The following NFIB variants were observed in gnomAD, a reference collection of about 807,000 sequenced individuals.
NFIB encodes nuclear factor 1 B-type.
Under a neutral mutation model 61.5 loss-of-function variants are expected in NFIB, and 11 were observed. The observed-to-expected ratio is 0.18, with a 90% CI of 0.11 to 0.30. The LOEUF is 0.30. NFIB is among the 10% of genes least tolerant of loss of function. The pLI, the probability that NFIB is intolerant of heterozygous loss-of-function variation, is 1.00. For synonymous variants in NFIB, 260 were observed against 216.5 expected, an observed-to-expected ratio of 1.20 and a Z score of -1.76; for missense variants, 471 against 608.9, an observed-to-expected ratio of 0.77 and a Z score of 2.38.
chr9:14,225,313 A>G (rs1310399922), intron 2 of NFIB, among the ~76,000 whole-genome samples: 3 of 151,998 alleles, frequency 2.0e-5, no homozygotes, highest in Non-Finnish European at 4.4e-5. Context: ...TCATCCTTAC[A>G]CTACATTCCT....
At chr9:14,179,627 C>G in intron 3 of NFIB, 100 bp downstream of exon 3, 2 of 1,320,480 alleles carry the variant, frequency 1.5e-6, no homozygotes, top group Non-Finnish European at 2.1e-6. Flanking sequence ...CCTGCCAGAA[C>G]AAAATAGGCA....
intron 2 of NFIB, among the ~76,000 whole-genome samples, chr9:14,213,936 C>A (rs2050575834): frequency 6.7e-6 from 1 of 148,782 alleles, no homozygotes; most frequent in East Asian, 1.9e-4. Flanking sequence ...CCAACTCCCA[C>A]TGCTCCAAAT....
At chr9:14,508,835 C>G in the NFIB span, among the ~76,000 whole-genome samples, 1 of 152,248 alleles carries the variant, frequency 6.6e-6, no homozygotes, top group Non-Finnish European at 1.5e-5. Context: ...TAACATTCTG[C>G]TGAATTAAAA....
chr9:14,131,810 T>A (rs2040440325), intron 6 of NFIB, among the ~76,000 whole-genome samples: 1 of 152,120 alleles, frequency 6.6e-6, no homozygotes, highest in South Asian at 2.1e-4. Context: ...CCGGGATAAA[T>A]GTCACATGGC....
chr9:14,108,990 A>T (rs2036961189), intron 10 of NFIB, among the ~76,000 whole-genome samples: 1 of 152,056 alleles, frequency 6.6e-6, no homozygotes, highest in Admixed American at 6.6e-5. Flanking sequence ...AATAGTAAGA[A>T]TTTAGGCTCT....
chr9:14,331,212 C>T (rs1184347349), intron 1 of NFIB, among the ~76,000 whole-genome samples: 4 of 152,134 alleles, frequency 2.6e-5, no homozygotes, highest in Non-Finnish European at 5.9e-5. Context: ...CTTTTAAAGA[C>T]GAGGCACTGG....
chr9:14,492,221 G>C, the NFIB span, among the ~76,000 whole-genome samples: 2 of 151,900 alleles, frequency 1.3e-5, no homozygotes, highest in Non-Finnish European at 2.9e-5. Context: ...AAATTAGCTG[G>C]GCGTGGTGGT....
At chr9:14,220,291 C>T (rs1563915467) in intron 2 of NFIB, among the ~76,000 whole-genome samples, 1 of 152,188 alleles carries the variant, frequency 6.6e-6, no homozygotes, top group Non-Finnish European at 1.5e-5. Context: ...GAAAACACAA[C>T]TCTAATTAGT....
At chr9:14,445,791 T>A in the NFIB span, among the ~76,000 whole-genome samples, 1 of 152,200 alleles carries the variant, frequency 6.6e-6, no homozygotes, top group Non-Finnish European at 1.5e-5. Context: ...TTTATTGTTT[T>A]ATATACCCAA....
At chr9:14,204,774 T>TG in intron 2 of NFIB, 1 of 526,072 alleles carries the variant, frequency 1.9e-6, no homozygotes. Flanking sequence ...TGTCGTAAAA[T>TG]GGGGGTCCCT....
At chr9:14,397,535 C>A (rs1206967109) in intron 1 of NFIB, among the ~76,000 whole-genome samples, 1 of 152,106 alleles carries the variant, frequency 6.6e-6, no homozygotes, top group South Asian at 2.1e-4. Flanking sequence ...TTATCCCCCC[C>A]AAAAAGATTC....
At chr9:14,254,844 G>A in intron 2 of NFIB, among the ~76,000 whole-genome samples, 1 of 152,118 alleles carries the variant, frequency 6.6e-6, no homozygotes, top group Non-Finnish European at 1.5e-5. Context: ...TACAAGCAAG[G>A]TCTAGAGGCC....
chr9:14,476,420 G>A, the NFIB span, among the ~76,000 whole-genome samples: 50 of 152,218 alleles, frequency 3.3e-4, no homozygotes, highest in African/African-American at 1.1e-3. Flanking sequence ...CTTGGACAGT[G>A]ATGTGAGCCA....
chr9:14,501,107 C>T, the NFIB span, among the ~76,000 whole-genome samples: 67 of 152,292 alleles, frequency 4.4e-4, no homozygotes, highest in African/African-American at 1.5e-3. Context: ...TTAAAGCTTA[C>T]AGATTTTTCT....
At chr9:14,227,552 C>G (rs1379237112) in intron 2 of NFIB, among the ~76,000 whole-genome samples, 1 of 152,130 alleles carries the variant, frequency 6.6e-6, no homozygotes, top group Non-Finnish European at 1.5e-5. Flanking sequence ...TTCCCTGAAC[C>G]TAAGTAATAT....
At chr9:14,375,785 T>C (rs1231960751) in intron 1 of NFIB, among the ~76,000 whole-genome samples, 3 of 152,132 alleles carry the variant, frequency 2.0e-5, no homozygotes, top group African/African-American at 7.2e-5. Flanking sequence ...AAAATTACTG[T>C]CCCAAATGAA....
intron 1 of NFIB, among the ~76,000 whole-genome samples, chr9:14,332,788 G>A (rs556043677): frequency 3.3e-5 from 5 of 152,206 alleles, no homozygotes; most frequent in Non-Finnish European, 7.3e-5. Context: ...ATTCTAGTGT[G>A]GAGGAGAGAG....
the NFIB span, among the ~76,000 whole-genome samples, chr9:14,450,506 A>G: frequency 6.6e-6 from 1 of 152,104 alleles, no homozygotes; most frequent in African/African-American, 2.4e-5. Context: ...ATAATTTCAA[A>G]AGATCATTTA....
At chr9:14,520,611 C>A in the NFIB span, among the ~76,000 whole-genome samples, 3 of 152,192 alleles carry the variant, frequency 2.0e-5, no homozygotes, top group Admixed American at 1.3e-4. Flanking sequence ...CCTCTAAACA[C>A]AGGAATCTGA....
Sources: gnomAD v4.1 joint callset for allele counts (sites outside exome capture counted in the v4.1 genomes callset) on GRCh38, gnomAD v4.1.1 for gene constraint, MANE v1.5 for transcripts, NCBI Gene and HGNC (gene_info 2026-07-23, HGNC 2026-07-21) for gene names.